The following PDHX variants were observed in gnomAD, a reference collection of about 807,000 sequenced individuals.
PDHX encodes the protein pyruvate dehydrogenase protein X component, mitochondrial.
PDHX carries 33 observed loss-of-function variants against 55.3 expected under a neutral mutation model. That is an observed-to-expected ratio of 0.60 (90% CI 0.45 to 0.80). The LOEUF (loss-of-function observed/expected upper bound fraction) is 0.80, where lower values mean the gene tolerates loss of function less well. PDHX is among the 30% of genes least tolerant of loss of function. PDHX has a pLI of 0.00. For synonymous variants in PDHX, 226 were observed against 219.4 expected (o/e 1.03, Z -0.27); for missense variants, 622 against 619.9 (o/e 1.00, Z -0.04).
chr11:34,948,268 T>TTA (rs1184884468), intron 3 of PDHX, among the ~76,000 whole-genome samples: 1 of 152,206 alleles, frequency 6.6e-6, no homozygotes, highest in Non-Finnish European at 1.5e-5. Flanking sequence ...TTGGTGACCA[T>TTA]TAGTCCCCAA....
At chr11:34,977,221 G>C (rs1268899949) in intron 7 of PDHX, among the ~76,000 whole-genome samples, 2 of 152,028 alleles carry the variant, frequency 1.3e-5, no homozygotes, top group African/African-American at 4.8e-5. Context: ...TAATAGGATA[G>C]GTTTTTTGCC....
At chr11:34,945,906 A>G (rs1854609283) in intron 2 of PDHX, among the ~76,000 whole-genome samples, 1 of 152,106 alleles carries the variant, frequency 6.6e-6, no homozygotes, top group African/African-American at 2.4e-5. Context: ...AATTCATTCA[A>G]AACTCTTTGA....
intron 1 of PDHX, 72 bp downstream of exon 1, chr11:34,916,887 T>A: frequency 7.2e-7 from 1 of 1,396,510 alleles, no homozygotes; most frequent in Non-Finnish European, 9.9e-7. Context: ...CAGTTATGAT[T>A]GAGGGCCTGC....
chr11:34,984,594 T>G lies in PDHX; in HGVS notation c.1048T>G (p.Trp350Gly). The change falls in exon 9 of 11, where the codon TGG (tryptophan) becomes GGG (glycine). Residue 350 changes from tryptophan to glycine, a missense_variant. Transcript: ENST00000227868. ...GCAAATGCCAGATGTTAATGTAAGCTGGGATGGAGAGGGCCCAAAGCAACT... is the reference window on the plus strand; with the variant it reads ...GCAAATGCCAGATGTTAATGTAAGCGGGGATGGAGAGGGCCCAAAGCAACT... ...LKQMPDVNVS[W>G]DGEGPKQLPF... 1.2e-6 allele frequency: 2 copies of G among 1,614,088 alleles called. No individual in the cohort carries two copies. Among genetic ancestry groups the G allele is most frequent in the Non-Finnish European group, 1.7e-6 (2 of 1,179,974 alleles).
chr11:34,941,673 A>G (rs1157483940), intron 2 of PDHX, among the ~76,000 whole-genome samples: 1 of 152,208 alleles, frequency 6.6e-6, no homozygotes, highest in Non-Finnish European at 1.5e-5. Flanking sequence ...TATTTTGTGA[A>G]AGCCTCAGGA....
In PDHX at chr11:34,919,988, A is replaced by G. The variant is rs147428623; in HGVS notation, c.160+3173A>G. ...CATAAACAATAAAGGTATGATTTCA[A>G]TAGTGTATACAGTAAGCTCAGAGGG... On this transcript the variant is annotated intron_variant, in intron 1 of 10. Transcript: ENST00000227868. 4.7e-4 allele frequency among the ~76,000 whole-genome samples: 71 copies of G among 152,338 alleles called. No homozygotes were observed. The East Asian group carries it at 0.011, about 24-fold the overall frequency.
chr11:34,978,274 C>T, intron 8 of PDHX, 92 bp downstream of exon 8: 1 of 779,468 alleles, frequency 1.3e-6, no homozygotes, highest in Non-Finnish European at 2.3e-6. Flanking sequence ...ATTTTTAAAT[C>T]ACAAAAATTT....
chr11:34,920,699 A>G (rs1208029749), intron 1 of PDHX, among the ~76,000 whole-genome samples: 1 of 152,172 alleles, frequency 6.6e-6, no homozygotes, highest in Non-Finnish European at 1.5e-5. Flanking sequence ...ATTACATCTT[A>G]GCAAGGCTGA....
chr11:34,961,906 C>A (rs529830338), intron 5 of PDHX, among the ~76,000 whole-genome samples: 1 of 152,142 alleles, frequency 6.6e-6, no homozygotes, highest in African/African-American at 2.4e-5. Context: ...AAATTAAGAA[C>A]CTTGGTTGCC....
intron 2 of PDHX, among the ~76,000 whole-genome samples, chr11:34,942,771 G>T (rs1222599724): frequency 6.6e-6 from 1 of 152,040 alleles, no homozygotes; most frequent in African/African-American, 2.4e-5. Context: ...TGATTTATTG[G>T]TAAAGTGTTC....
At chr11:34,929,688 C>T (rs1463547087) in intron 1 of PDHX, among the ~76,000 whole-genome samples, 1 of 152,174 alleles carries the variant, frequency 6.6e-6, no homozygotes, top group Non-Finnish European at 1.5e-5. Flanking sequence ...GTAAAGTTAG[C>T]ACAGCTTTGA....
intron 2 of PDHX, among the ~76,000 whole-genome samples, chr11:34,938,087 C>G (rs867356982): frequency 3.2e-4 from 48 of 152,252 alleles, no homozygotes; most frequent in Middle Eastern, 6.8e-3. Flanking sequence ...TTAAAACCCC[C>G]CAAACCTCAA....
At position 34,938,947 on chromosome 11, in the gene PDHX, A is replaced by G. The variant is rs78042170; in HGVS notation, c.241+7463A>G. The stretch of plus-strand genomic sequence containing the variant: ...AAATTTGTTTTTGCCAAAACACAGT[A>G]AATAATTGAGAGCAATCTTAATCCT... On this transcript the variant is annotated intron_variant, in intron 2 of 10. Transcript: ENST00000227868. Among the ~76,000 whole-genome samples the G allele has an allele frequency of 5.5e-3, 835 of 152,342 alleles. 12 individuals carry two copies. Among genetic ancestry groups the G allele is most frequent in the African/African-American group, 0.019 (800 of 41,586 alleles).
intron 2 of PDHX, among the ~76,000 whole-genome samples, chr11:34,941,152 C>T (rs1429376334): frequency 6.6e-6 from 1 of 152,210 alleles, no homozygotes; most frequent in African/African-American, 2.4e-5. Context: ...CTCATGCCTT[C>T]ACCCCATAGG....
chr11:34,936,523 C>G (rs1381400479), intron 2 of PDHX, among the ~76,000 whole-genome samples: 1 of 152,088 alleles, frequency 6.6e-6, no homozygotes, highest in African/African-American at 2.4e-5. Flanking sequence ...AATAAATGGG[C>G]TTTTTAAAAA....
chr11:34,955,226 G>A (rs1854878881), intron 3 of PDHX, among the ~76,000 whole-genome samples: 1 of 152,068 alleles, frequency 6.6e-6, no homozygotes, highest in African/African-American at 2.4e-5. Context: ...AGAGAGGAAA[G>A]GGAACAGTAA....
In PDHX at chr11:34,969,989, A is replaced by C. The variant is rs566375767; in HGVS notation, c.817-150A>C. On this transcript the variant is annotated intron_variant, in intron 6 of 10. Coordinates refer to ENST00000227868, the MANE Select transcript of PDHX (RefSeq NM_003477.3). ...TTTTATATTCTTCCCTTATACTAAGAATTTTAATAGTGCTTTTCTTGTGTT... is the reference window on the plus strand; with the variant it reads ...TTTTATATTCTTCCCTTATACTAAGCATTTTAATAGTGCTTTTCTTGTGTT... The C allele has an allele frequency of 1.5e-5, 11 of 712,544 alleles. No individual in the cohort carries two copies. The African/African-American group carries it at 1.8e-4, about 12-fold the overall frequency. 44.1% of individuals were successfully genotyped at this position (712,544 alleles called of 1,614,324 possible).
intron 7 of PDHX, among the ~76,000 whole-genome samples, chr11:34,976,958 T>C (rs570884882): frequency 6.6e-6 from 1 of 152,296 alleles, no homozygotes; most frequent in East Asian, 1.9e-4. Context: ...CAAATCTTTC[T>C]ATGTGGTTAT....
chr11:34,946,613 G>A (rs556258819), intron 2 of PDHX, among the ~76,000 whole-genome samples: 114 of 152,278 alleles, frequency 7.5e-4, no homozygotes, highest in Admixed American at 2.6e-3. Flanking sequence ...CAGCCCCGGA[G>A]CCAGAGGGTG....
Sources: allele counts gnomAD v4.1 joint callset (sites outside exome capture counted in the v4.1 genomes callset), GRCh38; gene constraint gnomAD v4.1.1; transcripts MANE v1.5; gene names NCBI Gene and HGNC (gene_info 2026-07-23, HGNC 2026-07-21).